The following NOVA1 variants were observed in gnomAD, a reference collection of about 807,000 sequenced individuals.
The protein encoded by NOVA1 is RNA-binding protein Nova-1.
Under a neutral mutation model 38.0 loss-of-function variants are expected in NOVA1, and 7 were observed. That is an observed-to-expected ratio of 0.18 (90% CI 0.10 to 0.35). NOVA1 has a LOEUF of 0.35. NOVA1 is among the 10% of genes least tolerant of loss of function. The pLI is 1.00. For synonymous variants in NOVA1, 270 were observed against 232.5 expected, an observed-to-expected ratio of 1.16 and a Z score of -1.47; for missense variants, 460 against 616.0, an observed-to-expected ratio of 0.75 and a Z score of 2.68.
chr14:26,518,518 C>T (rs2138491404), intron 2 of NOVA1, among the ~76,000 whole-genome samples: 1 of 152,102 alleles, frequency 6.6e-6, no homozygotes, highest in East Asian at 1.9e-4. Flanking sequence ...TTAAGTTTCA[C>T]TCTGAATTGA....
chr14:26,544,544 T>C (rs2138612547), intron 2 of NOVA1, among the ~76,000 whole-genome samples: 1 of 152,148 alleles, frequency 6.6e-6, no homozygotes, highest in African/African-American at 2.4e-5. Context: ...TTCAGGTTTT[T>C]AAACCCTCTT....
At chr14:26,451,560 G>A (rs1035725206) in intron 4 of NOVA1, among the ~76,000 whole-genome samples, 6 of 151,992 alleles carry the variant, frequency 3.9e-5, no homozygotes, top group African/African-American at 1.5e-4. Context: ...TAGTAGAGAT[G>A]GGGTTTCACC....
At chr14:26,453,350 G>A (rs150176715) in intron 4 of NOVA1, among the ~76,000 whole-genome samples, 1 of 152,018 alleles carries the variant, frequency 6.6e-6, no homozygotes, top group East Asian at 1.9e-4. Flanking sequence ...TGGGATTATA[G>A]GTGTGAGCCA....
intron 4 of NOVA1, among the ~76,000 whole-genome samples, chr14:26,451,325 A>G (rs1882655778): frequency 6.6e-6 from 1 of 151,974 alleles, no homozygotes; most frequent in Admixed American, 6.6e-5. Context: ...AAAACAATAT[A>G]TTTTTCCTTC....
At chr14:26,542,483 C>T (rs1260597861) in intron 2 of NOVA1, among the ~76,000 whole-genome samples, 1 of 151,724 alleles carries the variant, frequency 6.6e-6, no homozygotes, top group Non-Finnish European at 1.5e-5. Flanking sequence ...GGCAGAAATT[C>T]GGTGCTGCAT....
rs550266069 is a variant in NOVA1 at position 26,498,288 on chromosome 14, G to A, written c.281-18145C>T. 2.2e-3 allele frequency among the ~76,000 whole-genome samples: 332 copies of A among 151,446 alleles called. 1 individual carries two copies. The highest frequency in any genetic ancestry group is 7.2e-3 in the African/African-American group (297 of 41,226). ...TCACTGTGTTAGCCAGGATGGTCTC[G>A]ATCTCCTAACCTCGTGATCCGCCCG... On this transcript the variant is annotated intron_variant, in intron 2 of 4. Coordinates refer to ENST00000539517, the MANE Select transcript of NOVA1 (RefSeq NM_002515.3).
intron 2 of NOVA1, among the ~76,000 whole-genome samples, chr14:26,585,688 A>G (rs958967173): frequency 6.6e-6 from 1 of 151,216 alleles, no homozygotes; most frequent in Non-Finnish European, 1.5e-5. Flanking sequence ...TCTTAAACTC[A>G]TATTGCTTAA....
At chr14:26,537,897 A>G (rs1230124868) in intron 2 of NOVA1, among the ~76,000 whole-genome samples, 1 of 152,208 alleles carries the variant, frequency 6.6e-6, no homozygotes, top group African/African-American at 2.4e-5. Context: ...CTCTATGGAT[A>G]TGACATTTGA....
At chr14:26,503,067 C>T (rs1332679425) in intron 2 of NOVA1, among the ~76,000 whole-genome samples, 1 of 152,018 alleles carries the variant, frequency 6.6e-6, no homozygotes, top group Non-Finnish European at 1.5e-5. Flanking sequence ...AGGTTCTCCA[C>T]ACAGCACTTA....
At chr14:26,536,917 A>G (rs1890138216) in intron 2 of NOVA1, among the ~76,000 whole-genome samples, 1 of 152,118 alleles carries the variant, frequency 6.6e-6, no homozygotes, top group South Asian at 2.1e-4. Flanking sequence ...TACATACACT[A>G]CTACTAGGAG....
chr14:26,559,364 A>G (rs1471790816), intron 2 of NOVA1, among the ~76,000 whole-genome samples: 1 of 152,174 alleles, frequency 6.6e-6, no homozygotes, highest in African/African-American at 2.4e-5. Flanking sequence ...TAATTCTGAG[A>G]ATGTTATTTA....
rs538044505 is a variant in NOVA1 at position 26,518,028 on chromosome 14, T to C, written c.281-37885A>G. On this transcript the variant is annotated intron_variant, in intron 2 of 4. Coordinates refer to ENST00000539517, the MANE Select transcript of NOVA1 (RefSeq NM_002515.3). Reference sequence around the variant, plus strand: ...ACTACAGTTAATTGGACTTCCAAATTTTAATCTCTATCATAAACATGATAT... The same window carrying C: ...ACTACAGTTAATTGGACTTCCAAATCTTAATCTCTATCATAAACATGATAT... Among the ~76,000 whole-genome samples the C allele has an allele frequency of 4.6e-5, 7 of 152,240 alleles. No homozygotes were observed. The South Asian group carries it at 1.0e-3, about 23-fold the overall frequency.
At chr14:26,485,558 A>G (rs926173821) in intron 2 of NOVA1, among the ~76,000 whole-genome samples, 14 of 152,084 alleles carry the variant, frequency 9.2e-5, no homozygotes, top group African/African-American at 2.4e-4. Context: ...AGGGAGAAAA[A>G]TATTTTTTGT....
intron 2 of NOVA1, among the ~76,000 whole-genome samples, chr14:26,552,069 A>T (rs1461854134): frequency 1.3e-5 from 2 of 152,096 alleles, no homozygotes; most frequent in Admixed American, 6.5e-5. Flanking sequence ...TACAACAACT[A>T]TATGGGTGGT....
chr14:26,576,585 C>A (rs1321548670), intron 2 of NOVA1, among the ~76,000 whole-genome samples: 1 of 151,492 alleles, frequency 6.6e-6, no homozygotes, highest in Non-Finnish European at 1.5e-5. Context: ...ATTTATCATT[C>A]ACAATGTGTG....
intron 2 of NOVA1, among the ~76,000 whole-genome samples, chr14:26,545,813 T>C (rs1483463409): frequency 6.6e-6 from 1 of 152,098 alleles, no homozygotes; most frequent in Non-Finnish European, 1.5e-5. Flanking sequence ...ATTAGAAAGA[T>C]TATATACACA....
At chr14:26,451,264 G>A (rs1298597421) in intron 4 of NOVA1, among the ~76,000 whole-genome samples, 1 of 151,582 alleles carries the variant, frequency 6.6e-6, no homozygotes, top group Non-Finnish European at 1.5e-5. Context: ...TTGCACATGT[G>A]GGCATTGCAC....
chr14:26,546,663 T>C (rs1163202536), intron 2 of NOVA1, among the ~76,000 whole-genome samples: 2 of 152,212 alleles, frequency 1.3e-5, no homozygotes, highest in African/African-American at 2.4e-5. Flanking sequence ...GAAAGCTAGA[T>C]GTTGCCAGGA....
intron 2 of NOVA1, among the ~76,000 whole-genome samples, chr14:26,489,155 C>T (rs1886141715): frequency 6.6e-6 from 1 of 151,916 alleles, no homozygotes; most frequent in Admixed American, 6.6e-5. Context: ...ACAAAGTTGT[C>T]AACTTTGAGA....
Sources: allele counts gnomAD v4.1 joint callset (sites outside exome capture counted in the v4.1 genomes callset), GRCh38; gene constraint gnomAD v4.1.1; transcripts MANE v1.5; gene names NCBI Gene and HGNC (gene_info 2026-07-23, HGNC 2026-07-21).